Variants in PFKL observed in about 807,000 individuals in gnomAD.
PFKL encodes the protein ATP-dependent 6-phosphofructokinase, liver type.
PFKL carries 74 observed loss-of-function variants against 92.1 expected under a neutral mutation model. The observed-to-expected ratio is 0.80, with a 90% CI of 0.67 to 0.97. The LOEUF (loss-of-function observed/expected upper bound fraction) is 0.97, where lower values mean the gene tolerates loss of function less well. Ranked by LOEUF, PFKL falls within the 50% of genes least tolerant of loss-of-function variation. The pLI, the probability that PFKL is intolerant of heterozygous loss-of-function variation, is 0.00. For missense variants in PFKL, 1,028 were observed against 1,116.6 expected (o/e 0.92, Z 1.13); for synonymous variants, 494 against 456.4 (o/e 1.08, Z -1.05).
chr21:44,311,151 C>T lies in PFKL; in HGVS notation c.237+68C>T, dbSNP rs540226732. On this transcript the variant is annotated intron_variant, in intron 3 of 21. Transcript: ENST00000349048. ...AGACAGACACACAGAGACAGACCTGCACACACAGACACACACACAGAGACA... is the reference window on the plus strand; with the variant it reads ...AGACAGACACACAGAGACAGACCTGTACACACAGACACACACACAGAGACA... The T allele has an allele frequency of 4.5e-4, 492 of 1,091,900 alleles. 1 individual carries two copies. In the African/African-American group the frequency reaches 9.7e-3, roughly 21 times the overall value. The allele number at this position is 1,091,900 out of a possible 1,614,324, so 67.6% of individuals were successfully genotyped here.
Position 44,318,595 on chromosome 21 carries a change from G to A in PFKL, c.1062G>A (p.Met354Ile). ...VRLPLMECVQ[M>I]TKEVQKAMDD... is the part of the protein sequence containing the mutation. The stretch of plus-strand genomic sequence containing the variant: ...TGCCCCTCATGGAGTGCGTGCAGAT[G>A]GTAAGCCCTGGGCCCCCCCCATCAG... Residue 354 changes from methionine (M) to isoleucine (I), a missense_variant and splice_region_variant, in exon 10 of 22, where the codon ATG (methionine) becomes ATA (isoleucine). Coordinates refer to ENST00000349048, the MANE Select transcript of PFKL (RefSeq NM_002626.6). 6.7e-7 allele frequency: 1 copy of A among 1,498,756 alleles called. No individual in the cohort carries two copies. The highest frequency in any genetic ancestry group is 9.0e-7 in the Non-Finnish European group (1 of 1,112,082). The allele number at this position is 1,498,756 out of a possible 1,614,324, so 92.8% of individuals were successfully genotyped here.
At chr21:44,320,229 C>A in intron 12 of PFKL, 82 bp downstream of exon 12, 1 of 1,225,648 alleles carries the variant, frequency 8.2e-7, no homozygotes, top group Non-Finnish European at 1.2e-6. Flanking sequence ...CGTGGCTGGG[C>A]CTGCCTGCCC....
At position 44,302,028 on chromosome 21, in the gene PFKL, T is replaced by G. The variant is rs767298583; in HGVS notation, c.85+1838T>G. Among the ~76,000 whole-genome samples, 57 of 152,304 alleles carry G rather than the reference T, an allele frequency of 3.7e-4. 1 individual carries two copies. The highest frequency in any genetic ancestry group is 6.5e-4 in the Admixed American group (10 of 15,306). ...GCTGGTGGAGGATCTGGAGATGGGA[T>G]GCCCCTCCTGGCCCTGTGGACAGGC... On this transcript the variant is annotated intron_variant, in intron 1 of 21. Transcript: ENST00000349048.
Position 44,308,522 on chromosome 21 carries a change from G to A in PFKL, c.159+1768G>A, listed in dbSNP as rs111625391. ...TGACCTGCCCTCCTCCCAGGGAAAG[G>A]GGCATGGGCAGCCTGGATGATTCTA... On this transcript the variant is annotated intron_variant, in intron 2 of 21. Transcript: ENST00000349048. Among the ~76,000 whole-genome samples the A allele has an allele frequency of 8.1e-3, 1,231 of 152,202 alleles. 20 individuals carry two copies. Among genetic ancestry groups the A allele is most frequent in the African/African-American group, 0.028 (1,163 of 41,502 alleles).
At chr21:44,313,176 G>A in intron 5 of PFKL, 33 bp downstream of exon 5, 1 of 1,609,388 alleles carries the variant, frequency 6.2e-7, no homozygotes, top group South Asian at 1.1e-5. Flanking sequence ...GCCAGCCCAG[G>A]GCCCCTCCTC....
At chr21:44,318,875 G>A (rs2047283038) in intron 10 of PFKL, among the ~76,000 whole-genome samples, 2 of 152,246 alleles carry the variant, frequency 1.3e-5, no homozygotes, top group South Asian at 4.1e-4. Flanking sequence ...AGCTTCTGTA[G>A]GCAGTGGTGG....
chr21:44,321,633 C>T, intron 12 of PFKL, 96 bp from the exon 13 acceptor site: 1 of 1,315,842 alleles, frequency 7.6e-7, no homozygotes, highest in Non-Finnish European at 1.0e-6. Flanking sequence ...GGGCCTGGCC[C>T]CTTTTTCCAG....
intron 1 of PFKL, among the ~76,000 whole-genome samples, chr21:44,303,441 A>AAAGACTTGATCG (rs2040833324): frequency 2.0e-4 from 19 of 97,134 alleles, no homozygotes; most frequent in South Asian, 1.3e-3. Context: ...ACCAAAAAAA[A>AAAGACTTGATCG]AAAAAAAAAA....
Position 44,324,854 on chromosome 21 carries a change from A to G in PFKL, c.1816-2A>G. On this transcript the variant is annotated splice_acceptor_variant, in intron 17 of 21. Transcript: ENST00000349048. LOFTEE classifies it high-confidence loss of function. Reference sequence around the variant, plus strand: ...GCTCATCCGTGTCCGCCCCTCCCGCAGGTCAACGTGGAGCACATGACGGAG... The same window carrying G: ...GCTCATCCGTGTCCGCCCCTCCCGCGGGTCAACGTGGAGCACATGACGGAG... The G allele has an allele frequency of 2.5e-6, 4 of 1,607,400 alleles. No individual in the cohort carries two copies. Among genetic ancestry groups the G allele is most frequent in the Non-Finnish European group, 3.4e-6 (4 of 1,177,050 alleles).
At chr21:44,311,633 G>A (rs1286523569) in intron 3 of PFKL, among the ~76,000 whole-genome samples, 1 of 152,206 alleles carries the variant, frequency 6.6e-6, no homozygotes, top group East Asian at 1.9e-4. Context: ...GTTGCCAGGG[G>A]CCAGGAGGAC....
At position 44,316,269 on chromosome 21, in the gene PFKL, A is replaced by ACAT. The variant is rs752854829; in HGVS notation, c.784_786dup (p.Ile262dup). ...ACTCGGAGCCGTGGGTCCCGACTGA[A>ACAT]CATCATCATCATCGCTGAGGGTGCC... On this transcript the variant is annotated inframe_insertion, in exon 8 of 22. Transcript: ENST00000349048. 6.2e-7 allele frequency: 1 copy of ACAT among 1,613,162 alleles called. No homozygotes were observed. Among genetic ancestry groups the ACAT allele is most frequent in the Non-Finnish European group, 8.5e-7 (1 of 1,179,940 alleles).
At chr21:44,319,330 G>A in intron 10 of PFKL, 21 bp from the exon 11 acceptor site, 1 of 1,609,678 alleles carries the variant, frequency 6.2e-7, no homozygotes. Flanking sequence ...CATAGTCTGT[G>A]TTCTGTTTCT....
At chr21:44,317,337 A>G (rs1300104466) in intron 9 of PFKL, among the ~76,000 whole-genome samples, 1 of 152,094 alleles carries the variant, frequency 6.6e-6, no homozygotes, top group Non-Finnish European at 1.5e-5. Context: ...GGGAACCCAC[A>G]CAGCTGGACG....
At chr21:44,321,700 C>T (rs773736368) in intron 12 of PFKL, 29 bp from the exon 13 acceptor site, 1 of 1,520,510 alleles carries the variant, frequency 6.6e-7, no homozygotes, top group Non-Finnish European at 8.8e-7. Flanking sequence ...CCGGCTGTGC[C>T]TCACGCTCAT....
At position 44,318,492 on chromosome 21, in the gene PFKL, C is replaced by A; in HGVS notation, c.959C>A (p.Ala320Glu). 1 of 1,565,032 alleles carries A rather than the reference C, an allele frequency of 6.4e-7. No individual in the cohort carries two copies. The highest frequency in any genetic ancestry group is 8.7e-7 in the Non-Finnish European group (1 of 1,149,372). ...RILSSKMGME[A>E]VMALLEATPD... The stretch of plus-strand genomic sequence containing the variant: ...CAGAGCAGCAAGATGGGCATGGAGG[C>A]GGTGATGGCGCTGCTGGAAGCCACG... The change falls in exon 10 of 22, where the codon GCG becomes GAG. Residue 320 changes from alanine (A) to glutamate (E), a missense_variant. By Grantham distance (107) the Ala-to-Glu change is moderately radical (BLOSUM62 -1). Coordinates refer to ENST00000349048, the MANE Select transcript of PFKL (RefSeq NM_002626.6).
chr21:44,324,106 G>A (rs1869305567), intron 16 of PFKL, among the ~76,000 whole-genome samples, 188 bp downstream of exon 16: 1 of 152,142 alleles, frequency 6.6e-6, no homozygotes, highest in Non-Finnish European at 1.5e-5. Context: ...AGGTCCAGGG[G>A]GGCCCTGCGT....
chr21:44,323,759 G>A lies in PFKL; in HGVS notation c.1498-7G>A. ...GCCCTTGACCTGCCCCGTCCCTACT[G>A]CTGCAGGCCTATGAAGGGGTGCTGC... is the stretch of plus-strand genomic sequence containing the variant. On this transcript the variant is annotated splice_region_variant and splice_polypyrimidine_tract_variant and intron_variant, in intron 15 of 21. Transcript: ENST00000349048. The A allele has an allele frequency of 6.2e-7, 1 of 1,610,270 alleles. No homozygotes were observed. Among genetic ancestry groups the A allele is most frequent in the Non-Finnish European group, 8.5e-7 (1 of 1,178,860 alleles).
At chr21:44,304,264 G>GA (rs2040861906) in intron 1 of PFKL, 1 of 1,289,108 alleles carries the variant, frequency 7.8e-7, no homozygotes, top group African/African-American at 1.5e-5. Flanking sequence ...GGGCCCCTTT[G>GA]CCGTTCCCAG....
At chr21:44,301,844 T>G (rs2040782356) in intron 1 of PFKL, among the ~76,000 whole-genome samples, 1 of 152,034 alleles carries the variant, frequency 6.6e-6, no homozygotes, top group Non-Finnish European at 1.5e-5. Context: ...TTGGGAAAGT[T>G]GAGAGCCTGG....
Sources: gnomAD v4.1 joint callset for allele counts (sites outside exome capture counted in the v4.1 genomes callset) on GRCh38, gnomAD v4.1.1 for gene constraint, MANE v1.5 for transcripts, NCBI Gene and HGNC (gene_info 2026-07-23, HGNC 2026-07-21) for gene names.